CDK14: variants seen among roughly 807,000 people sequenced by gnomAD.
CDK14 encodes cyclin-dependent kinase 14.
In CDK14, 34 loss-of-function variants were observed where a neutral mutation model predicts 60.7. The ratio of observed to expected loss-of-function variants is 0.56; its 90% CI spans 0.43 to 0.75. CDK14 has a LOEUF of 0.75. Ranked by LOEUF, CDK14 falls within the 30% of genes least tolerant of loss-of-function variation. The probability of loss-of-function intolerance (pLI) is 0.00; values close to 1 mark genes in which losing one functional copy is unlikely to be tolerated. For missense variants in CDK14, 482 were observed against 564.1 expected (o/e 0.85, Z 1.47); for synonymous variants, 197 against 203.7 (o/e 0.97, Z 0.28).
At chr7:91,133,977 A>T (rs1421091213) in intron 14 of CDK14, among the ~76,000 whole-genome samples, 1 of 152,194 alleles carries the variant, frequency 6.6e-6, no homozygotes, top group South Asian at 2.1e-4. Context: ...CAGTATCCAG[A>T]TGATTAAGAG....
intron 2 of CDK14, among the ~76,000 whole-genome samples, chr7:90,660,220 C>G (rs1489760307): frequency 6.6e-6 from 1 of 151,986 alleles, no homozygotes; most frequent in Non-Finnish European, 1.5e-5. Flanking sequence ...CATCACACCC[C>G]CTGGGGTCAA....
In CDK14 at chr7:90,608,850, C is replaced by A. The variant is rs28951974; in HGVS notation, c.123+4601C>A. ...AAAGCGTATAAAATTAAAAAAAATT[C>A]TACATCTGGTCTGTGAGTGCTCCAA... On this transcript the variant is annotated intron_variant, in intron 2 of 14. Coordinates refer to ENST00000380050, the MANE Select transcript of CDK14 (RefSeq NM_001287135.2). 1.1e-3 allele frequency among the ~76,000 whole-genome samples: 163 copies of A among 152,152 alleles called. 1 individual carries two copies. In the East Asian group the frequency reaches 0.025, roughly 24 times the overall value.
At chr7:91,142,214 TTTA>T (rs1216635257) in intron 14 of CDK14, among the ~76,000 whole-genome samples, 14 of 152,272 alleles carry the variant, frequency 9.2e-5, no homozygotes, top group Middle Eastern at 3.4e-3. Flanking sequence ...ATCTCATTTT[TTTA>T]TTGTTGTTGT....
At chr7:90,650,386 A>T (rs1800605348) in intron 2 of CDK14, among the ~76,000 whole-genome samples, 1 of 151,854 alleles carries the variant, frequency 6.6e-6, no homozygotes, top group Non-Finnish European at 1.5e-5. Flanking sequence ...AGATTGCAAA[A>T]TTTTTCTCCC....
At chr7:90,750,757 C>T (rs561515706) in intron 4 of CDK14, among the ~76,000 whole-genome samples, 13 of 152,154 alleles carry the variant, frequency 8.5e-5, no homozygotes, top group Middle Eastern at 3.4e-3. Flanking sequence ...CCTGTAATCT[C>T]AGCTACTCCA....
At chr7:90,803,948 G>C (rs1788735530) in intron 5 of CDK14, among the ~76,000 whole-genome samples, 1 of 152,126 alleles carries the variant, frequency 6.6e-6, no homozygotes, top group African/African-American at 2.4e-5. Flanking sequence ...ATTCTAACCA[G>C]GGCCTAGAAC....
At chr7:90,744,621 C>T (rs530445824) in intron 3 of CDK14, among the ~76,000 whole-genome samples, 33 of 150,804 alleles carry the variant, frequency 2.2e-4, no homozygotes, top group South Asian at 2.1e-3. Context: ...CCGGATGGGG[C>T]GGCTGGCTGG....
chr7:91,029,612 C>G (rs949275830), intron 10 of CDK14, among the ~76,000 whole-genome samples: 4 of 88,476 alleles, frequency 4.5e-5, no homozygotes, highest in Admixed American at 3.3e-4. Context: ...TCCTCTCCTC[C>G]GCTCCCCACT....
chr7:90,897,420 C>T (rs1294531267), intron 6 of CDK14, among the ~76,000 whole-genome samples: 1 of 152,002 alleles, frequency 6.6e-6, no homozygotes, highest in African/African-American at 2.4e-5. Flanking sequence ...ATGTACTTTT[C>T]TTTTACCATT....
intron 2 of CDK14, among the ~76,000 whole-genome samples, chr7:90,640,318 T>C (rs1800294438): frequency 6.6e-6 from 1 of 152,162 alleles, no homozygotes; most frequent in Non-Finnish European, 1.5e-5. Context: ...GCTTTTTGTT[T>C]AATATTAATA....
chr7:90,641,817 G>A (rs1477845669), intron 2 of CDK14, among the ~76,000 whole-genome samples: 2 of 152,096 alleles, frequency 1.3e-5, no homozygotes, highest in Non-Finnish European at 2.9e-5. Context: ...ACCCTAGACT[G>A]GGCAATTTAC....
At chr7:90,804,576 TTCTAAG>T (rs1443614105) in intron 5 of CDK14, among the ~76,000 whole-genome samples, 2 of 152,304 alleles carry the variant, frequency 1.3e-5, no homozygotes, top group East Asian at 3.9e-4. Context: ...ACAATTGTTA[TTCTAAG>T]TCTGAGTAAT....
At chr7:90,877,252 A>G (rs921797132) in intron 6 of CDK14, among the ~76,000 whole-genome samples, 2 of 152,082 alleles carry the variant, frequency 1.3e-5, no homozygotes, top group African/African-American at 4.8e-5. Context: ...TTATGTTTTC[A>G]TTGCCGTGTA....
In CDK14 at chr7:91,185,560, G is replaced by A. The variant is rs115541567; in HGVS notation, c.*29-21605G>A. ...CCACCAGTATATTATTGTCATTGCC[G>A]TCATTATTACATTCATAAGCATCAT... On this transcript the variant is annotated intron_variant, in intron 14 of 14. Transcript: ENST00000380050. 6.0e-3 allele frequency among the ~76,000 whole-genome samples: 917 copies of A among 151,720 alleles called. 14 individuals are homozygous for A. The highest frequency in any genetic ancestry group is 0.018 in the African/African-American group (753 of 41,368).
intron 11 of CDK14, among the ~76,000 whole-genome samples, chr7:91,059,098 T>C (rs1797690113): frequency 6.6e-6 from 1 of 152,224 alleles, no homozygotes; most frequent in Non-Finnish European, 1.5e-5. Context: ...TATTGGTCTA[T>C]TCAGAGATTC....
intron 6 of CDK14, among the ~76,000 whole-genome samples, chr7:90,879,914 T>G (rs535305264): frequency 1.6e-4 from 24 of 151,948 alleles, no homozygotes; most frequent in Admixed American, 1.3e-3. Context: ...GTGAGTGGTG[T>G]GATACCCAGC....
chr7:90,807,020 CTG>C (rs1270003357), intron 5 of CDK14, among the ~76,000 whole-genome samples: 1 of 152,214 alleles, frequency 6.6e-6, no homozygotes, highest in Non-Finnish European at 1.5e-5. Flanking sequence ...CTGCCTGCCT[CTG>C]TAGACTCCAC....
chr7:91,103,780 A>G (rs1414756379), intron 12 of CDK14, among the ~76,000 whole-genome samples: 2 of 151,944 alleles, frequency 1.3e-5, no homozygotes, highest in African/African-American at 4.8e-5. Context: ...TTCACTATTC[A>G]TGTTACCTTC....
intron 14 of CDK14, among the ~76,000 whole-genome samples, chr7:91,131,533 T>C (rs1376930290): frequency 6.6e-6 from 1 of 152,146 alleles, no homozygotes; most frequent in African/African-American, 2.4e-5. Flanking sequence ...TGTCAGAATC[T>C]GAAGAGAGAA....
Sources: gnomAD v4.1 joint callset for allele counts (sites outside exome capture counted in the v4.1 genomes callset) on GRCh38, gnomAD v4.1.1 for gene constraint, MANE v1.5 for transcripts, NCBI Gene and HGNC (gene_info 2026-07-23, HGNC 2026-07-21) for gene names.